The following FAT3 variants were observed in gnomAD, a reference collection of about 807,000 sequenced individuals.
FAT3 encodes the protein FAT atypical cadherin 3.
A neutral mutation model predicts 310.2 loss-of-function variants in FAT3; 95 were observed. The ratio of observed to expected loss-of-function variants is 0.31; its 90% CI spans 0.26 to 0.36. FAT3 has a LOEUF of 0.36. FAT3 is among the 10% of genes least tolerant of loss of function. FAT3 has a pLI of 1.00. For missense variants in FAT3, 5,408 were observed against 5,715.6 expected (o/e 0.95, Z 1.74); for synonymous variants, 2,314 against 2,192.9 (o/e 1.06, Z -1.54).
At chr11:92,756,256 C>T (rs984875890) in intron 4 of FAT3, among the ~76,000 whole-genome samples, 1 of 152,182 alleles carries the variant, frequency 6.6e-6, no homozygotes, top group Admixed American at 6.5e-5. Context: ...TATGACAAAG[C>T]TTAATTTATA....
chr11:92,409,670 C>T (rs1950209768), intron 2 of FAT3, among the ~76,000 whole-genome samples: 1 of 152,092 alleles, frequency 6.6e-6, no homozygotes, highest in African/African-American at 2.4e-5. Flanking sequence ...TCAAAAGAAA[C>T]CCTTTATTTT....
At chr11:92,523,557 A>C (rs1231137758) in intron 2 of FAT3, among the ~76,000 whole-genome samples, 2 of 152,190 alleles carry the variant, frequency 1.3e-5, no homozygotes, top group Non-Finnish European at 2.9e-5. Context: ...TATATGCCTA[A>C]TTTAGACAAA....
intron 2 of FAT3, among the ~76,000 whole-genome samples, chr11:92,434,292 TCCCA>T (rs1950876321): frequency 6.6e-6 from 1 of 152,072 alleles, no homozygotes; most frequent in Non-Finnish European, 1.5e-5. Context: ...TCTTAGAATC[TCCCA>T]TGTACAGCTG....
intron 2 of FAT3, among the ~76,000 whole-genome samples, chr11:92,379,039 A>G (rs954084975): frequency 1.3e-5 from 2 of 152,148 alleles, no homozygotes; most frequent in African/African-American, 4.8e-5. Context: ...AGACAATAGC[A>G]GTGTTTTTCC....
rs1354668654 is a variant in FAT3 at position 92,352,190 on chromosome 11, G to A, written c.78G>A (p.Leu26=). 7.3e-7 allele frequency: 1 copy of A among 1,374,568 alleles called. No homozygotes were observed. Among genetic ancestry groups the A allele is most frequent in the Non-Finnish European group, 9.7e-7 (1 of 1,027,048 alleles). 85.1% of individuals were successfully genotyped at this position (1,374,568 alleles called of 1,614,324 possible). A position where few individuals can be genotyped will look rare whatever the true frequency, so the allele number is the denominator to read the frequency against. Residue 26 remains leucine, a synonymous_variant, in exon 2 of 28, where the codon TTG becomes TTA. Coordinates refer to ENST00000525166, the MANE Select transcript of FAT3 (RefSeq NM_001367949.2). Reference sequence around the variant, plus strand: ...TCATCCTCCTGCTTTTCAAGCTTTTGGCCACTGTCTCCCAGGGGCTGCCAG... The same window carrying A: ...TCATCCTCCTGCTTTTCAAGCTTTTAGCCACTGTCTCCCAGGGGCTGCCAG... The part of the protein sequence containing the change: ...CCLILLLFKL[L]ATVSQGLPGT...
chr11:92,789,131 G>T (rs1355868967), intron 7 of FAT3, among the ~76,000 whole-genome samples: 2 of 152,116 alleles, frequency 1.3e-5, no homozygotes. Context: ...TGCAGCAATG[G>T]TATTGTGTGT....
chr11:92,417,843 G>C, intron 2 of FAT3, among the ~76,000 whole-genome samples: 1 of 152,194 alleles, frequency 6.6e-6, no homozygotes, highest in Admixed American at 6.5e-5. Flanking sequence ...GCAGCTCACT[G>C]TGGATCTCCA....
intron 3 of FAT3, among the ~76,000 whole-genome samples, chr11:92,616,189 A>C (rs1396899163): frequency 6.6e-6 from 1 of 152,176 alleles, no homozygotes; most frequent in Non-Finnish European, 1.5e-5. Flanking sequence ...TATTTAGGAT[A>C]GTTAGCTCTT....
chr11:92,896,223 TA>T lies in FAT3; in HGVS notation c.*5111del, dbSNP rs1290765386. 6.6e-6 allele frequency: 1 copy of T among 151,512 alleles called. No individual in the cohort carries two copies. The highest frequency in any genetic ancestry group is 2.4e-5 in the African/African-American group (1 of 41,214). 9.4% of individuals were successfully genotyped at this position (151,512 alleles called of 1,614,324 possible). A position where few individuals can be genotyped will look rare whatever the true frequency, so the allele number is the denominator to read the frequency against. ...TTATGCAAAGGGGAAAGCTAACACT[TA>T]GAGTGGATTTTGTCCCTTAAGGAAA... On this transcript the variant is annotated 3_prime_UTR_variant, in exon 28 of 28. Coordinates refer to ENST00000525166, the MANE Select transcript of FAT3 (RefSeq NM_001367949.2).
chr11:92,304,198 GGCCTCCA>G (rs1325350081), intron 1 of FAT3, among the ~76,000 whole-genome samples: 1 of 152,060 alleles, frequency 6.6e-6, no homozygotes, highest in African/African-American at 2.4e-5. Context: ...GCTCCTTTGT[GGCCTCCA>G]GCTTTCATTC....
chr11:92,681,478 A>G (rs1943478798), intron 3 of FAT3, among the ~76,000 whole-genome samples: 1 of 152,222 alleles, frequency 6.6e-6, no homozygotes, highest in South Asian at 2.1e-4. Flanking sequence ...GTCAAGGAAC[A>G]CGAAGAATTT....
intron 3 of FAT3, among the ~76,000 whole-genome samples, chr11:92,633,564 G>A (rs529956607): frequency 2.0e-5 from 3 of 152,236 alleles, no homozygotes; most frequent in African/African-American, 4.8e-5. Context: ...GGACTGACAC[G>A]GGGATTGGGA....
chr11:92,624,242 G>T (rs1232964893), intron 3 of FAT3, among the ~76,000 whole-genome samples: 1 of 152,176 alleles, frequency 6.6e-6, no homozygotes, highest in Non-Finnish European at 1.5e-5. Context: ...GTAGTATTTT[G>T]CCGGATGAAG....
chr11:92,493,313 T>C (rs1470580858), intron 2 of FAT3, among the ~76,000 whole-genome samples: 1 of 152,102 alleles, frequency 6.6e-6, no homozygotes, highest in African/African-American at 2.4e-5. Flanking sequence ...CCCAGAGCTC[T>C]TGCCCTTTGG....
rs111956076 is a variant in FAT3 at position 92,645,265 on chromosome 11, A to G, written c.3608-52119A>G. On this transcript the variant is annotated intron_variant, in intron 3 of 27. Transcript: ENST00000525166. ...AGATCCCCAAAGCATTTGTATGCAC[A>G]AGGAAAACCATAAATACAAAAGACC... Among the ~76,000 whole-genome samples the G allele has an allele frequency of 6.3e-3, 956 of 152,370 alleles. 8 individuals are homozygous for G. Among genetic ancestry groups the G allele is most frequent in the Non-Finnish European group, 0.011 (748 of 68,034 alleles).
In FAT3 at chr11:92,455,052, C is replaced by T. The variant is rs557020958; in HGVS notation, c.3293-69582C>T. 1.3e-3 allele frequency among the ~76,000 whole-genome samples: 205 copies of T among 152,196 alleles called. 2 individuals are homozygous for T. The highest frequency in any genetic ancestry group is 4.8e-3 in the African/African-American group (200 of 41,548). Reference sequence around the variant, plus strand: ...TCCCATGTACTGTATTTCCAATAATCTGCAACCTTTGAGGATCAACCGAGA... The same window carrying T: ...TCCCATGTACTGTATTTCCAATAATTTGCAACCTTTGAGGATCAACCGAGA... On this transcript the variant is annotated intron_variant, in intron 2 of 27. Transcript: ENST00000525166.
intron 2 of FAT3, among the ~76,000 whole-genome samples, chr11:92,358,558 A>AT (rs572990733): frequency 1.6e-4 from 25 of 151,944 alleles, no homozygotes; most frequent in Non-Finnish European, 2.2e-4. Context: ...GCTTGTTGAG[A>AT]TTTTTTTTAA....
At chr11:92,597,536 C>T (rs1396257872) in intron 3 of FAT3, among the ~76,000 whole-genome samples, 2 of 152,176 alleles carry the variant, frequency 1.3e-5, no homozygotes, top group Admixed American at 6.5e-5. Flanking sequence ...TCAGGCAGCT[C>T]TTCTTTGGCT....
chr11:92,433,973 G>A (rs1194651705), intron 2 of FAT3, among the ~76,000 whole-genome samples: 3 of 145,808 alleles, frequency 2.1e-5, no homozygotes, highest in Non-Finnish European at 4.5e-5. Context: ...CCGAGATTGC[G>A]CCACTGCACT....
Sources: allele counts gnomAD v4.1 joint callset (sites outside exome capture counted in the v4.1 genomes callset), GRCh38; gene constraint gnomAD v4.1.1; transcripts MANE v1.5; gene names NCBI Gene and HGNC (gene_info 2026-07-23, HGNC 2026-07-21).